The following AMN variants were observed in gnomAD, a reference collection of about 807,000 sequenced individuals.
AMN encodes protein amnionless.
AMN carries 40 observed loss-of-function variants against 49.1 expected under a neutral mutation model. That is an observed-to-expected ratio of 0.81 (90% CI 0.63 to 1.06). AMN has a LOEUF of 1.06. AMN is among the 50% of genes least tolerant of loss of function. AMN has a pLI of 0.00. For synonymous variants in AMN, 380 were observed against 313.3 expected, an observed-to-expected ratio of 1.21 and a Z score of -2.25; for missense variants, 701 against 662.8, an observed-to-expected ratio of 1.06 and a Z score of -0.63.
intron 4 of AMN, 76 bp downstream of exon 4, chr14:102,928,589 G>C (rs139414729): frequency 3.7e-5 from 57 of 1,527,390 alleles, no homozygotes; most frequent in Non-Finnish European, 4.8e-5. Context: ...GCGCGTCGAG[G>C]GGGGCGAGGA....
chr14:102,929,544 C>G lies in AMN; in HGVS notation c.760+8C>G. 6.5e-7 allele frequency: 1 copy of G among 1,540,128 alleles called. No individual in the cohort carries two copies. Among genetic ancestry groups the G allele is most frequent in the Non-Finnish European group, 8.7e-7 (1 of 1,146,340 alleles). ...AGTGCTGTGACCTCTGTGGTAAGCG[C>G]CCCCGCCGGGCCCTGCTTGCTGGGA... On this transcript the variant is annotated splice_region_variant and intron_variant, in intron 7 of 11. Transcript: ENST00000299155.
At chr14:102,926,584 A>ATTTT (rs11323567) in intron 3 of AMN, among the ~76,000 whole-genome samples, 8 of 136,822 alleles carry the variant, frequency 5.8e-5, no homozygotes, top group African/African-American at 1.9e-4. Flanking sequence ...AAAACCCTGG[A>ATTTT]TTTTTTTTTT....
Position 102,930,347 on chromosome 14 carries a change from G to A in AMN, c.1169+20G>A. On this transcript the variant is annotated intron_variant, in intron 10 of 11. Transcript: ENST00000299155. Reference sequence around the variant, plus strand: ...GCTCAGGTACGCGGGGCGGGGGCGCGGAGGTGGGGCTGGGGGTTGCTCCGA... The same window carrying A: ...GCTCAGGTACGCGGGGCGGGGGCGCAGAGGTGGGGCTGGGGGTTGCTCCGA... 1 of 1,415,366 alleles carries A rather than the reference G, an allele frequency of 7.1e-7. No homozygotes were observed. Among genetic ancestry groups the A allele is most frequent in the Non-Finnish European group, 9.2e-7 (1 of 1,092,160 alleles). The allele number at this position is 1,415,366 out of a possible 1,614,324, so 87.7% of individuals were successfully genotyped here. A position where few individuals can be genotyped will look rare whatever the true frequency, so the allele number is the denominator to read the frequency against.
intron 10 of AMN, 28 bp from the exon 11 acceptor site, chr14:102,930,378 T>C (rs1891315495): frequency 3.3e-6 from 5 of 1,497,042 alleles, no homozygotes; most frequent in Non-Finnish European, 4.4e-6. Flanking sequence ...TCCGAGGGGC[T>C]CACGCTGCGT....
chr14:102,930,516 CG>C, intron 11 of AMN, 23 bp downstream of exon 11: 1 of 1,540,440 alleles, frequency 6.5e-7, no homozygotes. Flanking sequence ...GAGGGGGGAC[CG>C]GGGCCTCCTC....
At chr14:102,922,898 T>C (rs900882249) in intron 1 of AMN, 167 bp downstream of exon 1, 1 of 1,002,312 alleles carries the variant, frequency 1.0e-6, no homozygotes, top group Non-Finnish European at 1.4e-6. Context: ...GTCTGGCGAG[T>C]GCGCAGCCCG....
intron 3 of AMN, among the ~76,000 whole-genome samples, chr14:102,925,742 C>A (rs1393204571): frequency 6.6e-6 from 1 of 152,216 alleles, no homozygotes; most frequent in Admixed American, 6.5e-5. Context: ...ATTCATTGAT[C>A]ATCCATTGGC....
At chr14:102,925,717 T>C (rs1891171386) in intron 3 of AMN, among the ~76,000 whole-genome samples, 1 of 152,206 alleles carries the variant, frequency 6.6e-6, no homozygotes, top group South Asian at 2.1e-4. Context: ...CATTCATTCA[T>C]CTATTCAATA....
chr14:102,923,473 A>G, intron 1 of AMN: 1 of 534,670 alleles, frequency 1.9e-6, no homozygotes, highest in East Asian at 3.3e-5. Flanking sequence ...GGCGTCCTGC[A>G]GGGCGCGTTT....
In AMN at chr14:102,923,763, C is replaced by T. The variant is rs773494418; in HGVS notation, c.96C>T (p.Val32=). ...GGGTCCCCAACACGGACTTCGACGT[C>T]GCAGCCAACTGGAGCCAGAACCGGA... ...KLWVPNTDFD[V]AANWSQNRTP... Residue 32 remains valine (V), a synonymous_variant, in exon 2 of 12, where the codon GTC becomes GTT. Coordinates refer to ENST00000299155, the MANE Select transcript of AMN (RefSeq NM_030943.4). The T allele has an allele frequency of 5.6e-6, 9 of 1,612,808 alleles. No homozygotes were observed. The highest frequency in any genetic ancestry group is 1.1e-5 in the South Asian group (1 of 91,082).
intron 1 of AMN, chr14:102,923,489 G>A (rs1346054474): frequency 1.8e-5 from 10 of 564,140 alleles, no homozygotes; most frequent in Admixed American, 3.0e-5. Flanking sequence ...CGTTTGAGCG[G>A]GCTCTGCAGG....
chr14:102,930,632 C>CAGTT lies in AMN; in HGVS notation c.1316_1319dup (p.Tyr440Ter). The CAGTT allele has an allele frequency of 6.2e-7, 1 of 1,601,786 alleles. No individual in the cohort carries two copies. The highest frequency in any genetic ancestry group is 8.5e-7 in the Non-Finnish European group (1 of 1,175,436). ...AGGCGGCCGCAGACAGCACCAGCCA[C>CAGTT]AGTTACTTCGTCAACCCTCTGTTCG... On this transcript the variant is annotated frameshift_variant, in exon 12 of 12. Transcript: ENST00000299155. LOFTEE classifies it high-confidence loss of function.
intron 11 of AMN, 30 bp from the exon 12 acceptor site, chr14:102,930,546 C>T (rs763394962): frequency 1.4e-5 from 22 of 1,549,348 alleles, no homozygotes; most frequent in South Asian, 2.4e-5. Flanking sequence ...GACTCGGCGC[C>T]GACCGCCGCC....
intron 1 of AMN, chr14:102,923,175 A>G (rs1391066269): frequency 4.3e-6 from 1 of 233,566 alleles, no homozygotes; most frequent in Non-Finnish European, 8.5e-6. Flanking sequence ...CCTTCCCTAA[A>G]CCCCTCGCGG....
rs959147297 is a variant in AMN at position 102,930,269 on chromosome 14, CTGGCGCTGCTGGTCCTGCTGG to C, written c.1118_1138del (p.Leu373_Ala379del). 1.4e-6 allele frequency: 2 copies of C among 1,383,484 alleles called. No homozygotes were observed. The highest frequency in any genetic ancestry group is 1.5e-5 in the African/African-American group (1 of 66,160). The allele number at this position is 1,383,484 out of a possible 1,614,324, so 85.7% of individuals were successfully genotyped here. A position where few individuals can be genotyped will look rare whatever the true frequency, so the allele number is the denominator to read the frequency against. ...GGGCGGCGTGGCGGCTGCCGTGCTGCTGGCGCTGCTGGTCCTGCTGGTGGCGCCGCCGCTGCTGCGCCGCGC... is the reference window on the plus strand; with the variant it reads ...GGGCGGCGTGGCGGCTGCCGTGCTGCTGGCGCCGCCGCTGCTGCGCCGCGC... On this transcript the variant is annotated inframe_deletion, in exon 10 of 12. Transcript: ENST00000299155.
At chr14:102,924,208 C>T (rs1316741386) in intron 3 of AMN, among the ~76,000 whole-genome samples, 1 of 151,682 alleles carries the variant, frequency 6.6e-6, no homozygotes, top group Admixed American at 6.5e-5. Flanking sequence ...GGAGGCACCC[C>T]TGTCCCCACA....
chr14:102,925,058 T>C (rs775474353), intron 3 of AMN, among the ~76,000 whole-genome samples: 12 of 152,184 alleles, frequency 7.9e-5, no homozygotes, highest in Non-Finnish European at 1.6e-4. Context: ...CCCACCAGCT[T>C]CCAGGGTGAC....
rs1200262137 is a variant in AMN at position 102,929,116 on chromosome 14, C to A, written c.514-5C>A. ...TGGCTCCGGTGGGGACCCGGCTGCC[C>A]GCAGACGTTCACGCGCGACGAGGAC... On this transcript the variant is annotated splice_region_variant and splice_polypyrimidine_tract_variant and intron_variant, in intron 5 of 11. Transcript: ENST00000299155. 6.3e-7 allele frequency: 1 copy of A among 1,597,440 alleles called. No homozygotes were observed. Among genetic ancestry groups the A allele is most frequent in the Non-Finnish European group, 8.5e-7 (1 of 1,179,626 alleles).
At position 102,928,776 on chromosome 14, in the gene AMN, G is replaced by C; in HGVS notation, c.314G>C (p.Arg105Pro). The C allele has an allele frequency of 6.2e-7, 1 of 1,608,586 alleles. No individual in the cohort carries two copies. The highest frequency in any genetic ancestry group is 2.2e-5 in the East Asian group (1 of 44,856). Residue 105 changes from arginine (R) to proline (P), a missense_variant, in exon 5 of 12, where the codon CGC becomes CCC. Physicochemically the swap from Arg to Pro is moderately radical, Grantham distance 103 (BLOSUM62 -2). Coordinates refer to ENST00000299155, the MANE Select transcript of AMN (RefSeq NM_030943.4). The part of the protein sequence containing the change: ...DCGAGEPAVF[R>P]DSDRFSWHDP... ...GGCTCAGGCGAACCTGCCGTCTTCCGCGACTCTGACCGCTTCTCCTGGCAT... is the reference window on the plus strand; with the variant it reads ...GGCTCAGGCGAACCTGCCGTCTTCCCCGACTCTGACCGCTTCTCCTGGCAT...
Sources: gnomAD v4.1 joint callset for allele counts (sites outside exome capture counted in the v4.1 genomes callset) on GRCh38, gnomAD v4.1.1 for gene constraint, MANE v1.5 for transcripts, NCBI Gene and HGNC (gene_info 2026-07-23, HGNC 2026-07-21) for gene names.